LCP2: variants seen among roughly 807,000 people sequenced by gnomAD.
LCP2 encodes the protein 76 kDa tyrosine phosphoprotein.
Under a neutral mutation model 74.5 loss-of-function variants are expected in LCP2, and 29 were observed. The observed-to-expected ratio is 0.39, with a 90% CI of 0.29 to 0.53. The LOEUF is 0.53. Among genes scored for constraint, LCP2 ranks in the 20% least tolerant of loss-of-function variants. LCP2 has a pLI of 0.72. For synonymous variants in LCP2, 228 were observed against 229.5 expected, an observed-to-expected ratio of 0.99 and a Z score of 0.06; for missense variants, 604 against 634.6, an observed-to-expected ratio of 0.95 and a Z score of 0.52.
At chr5:170,289,655 TTCTTTCTTTCTTTCTTTC>T (rs1443678719) in intron 2 of LCP2, among the ~76,000 whole-genome samples, 29 of 113,904 alleles carry the variant, frequency 2.5e-4, no homozygotes, top group African/African-American at 9.7e-4. Flanking sequence ...CTTTCTTTCT[TTCTTTCTTTCTTTCTTTC>T]TCTCTCTCTC....
intron 7 of LCP2, 31 bp from the exon 8 acceptor site, chr5:170,268,513 G>A (rs1168310079): frequency 8.6e-6 from 2 of 233,102 alleles, no homozygotes; most frequent in African/African-American, 2.4e-5. Context: ...TAAAGTGAAA[G>A]GGGAGTATCG....
intron 3 of LCP2, among the ~76,000 whole-genome samples, chr5:170,277,262 ATACT>A (rs1300730030): frequency 6.6e-6 from 1 of 152,050 alleles, no homozygotes; most frequent in Non-Finnish European, 1.5e-5. Context: ...CTGGAGGCAG[ATACT>A]GTTGAGTCCC....
In LCP2 at chr5:170,248,422, A is replaced by C; in HGVS notation, c.*275T>G. ...TACTGTATTTTGAAATGGGCATTAAATAATCTTTTAAAAAATGAATTATTA... is the reference window on the plus strand; with the variant it reads ...TACTGTATTTTGAAATGGGCATTAACTAATCTTTTAAAAAATGAATTATTA... On this transcript the variant is annotated 3_prime_UTR_variant, in exon 21 of 21. Transcript: ENST00000046794. 3.5e-6 allele frequency: 1 copy of C among 289,218 alleles called. No individual in the cohort carries two copies. Among genetic ancestry groups the C allele is most frequent in the Non-Finnish European group, 6.5e-6 (1 of 153,418 alleles). The allele number at this position is 289,218 out of a possible 1,614,324, so 17.9% of individuals were successfully genotyped here.
At chr5:170,249,496 T>A (rs1333730179) in intron 20 of LCP2, among the ~76,000 whole-genome samples, 1 of 151,878 alleles carries the variant, frequency 6.6e-6, no homozygotes, top group East Asian at 1.9e-4. Context: ...TTGCTCTGTT[T>A]TTGGTTTTGG....
chr5:170,295,335 T>C (rs561603440), intron 1 of LCP2, among the ~76,000 whole-genome samples: 2 of 152,314 alleles, frequency 1.3e-5, no homozygotes, highest in East Asian at 1.9e-4. Flanking sequence ...AGCCAGTTAA[T>C]AGAGAAGGTA....
Position 170,275,419 on chromosome 5 carries a change from C to A in LCP2, c.255-68G>T, listed in dbSNP as rs1203469023. On this transcript the variant is annotated intron_variant, in intron 4 of 20. Coordinates refer to ENST00000046794, the MANE Select transcript of LCP2 (RefSeq NM_005565.5). ...AAGGGGATCTCCCTCTTTCCTCAACCTGGTCCAGCGAGAGGGAGTCCCCAG... is the reference window on the plus strand; with the variant it reads ...AAGGGGATCTCCCTCTTTCCTCAACATGGTCCAGCGAGAGGGAGTCCCCAG... 3 of 1,576,840 alleles carry A rather than the reference C, an allele frequency of 1.9e-6. No individual in the cohort carries two copies. The African/African-American group carries it at 4.0e-5, about 21-fold the overall frequency.
chr5:170,287,158 T>C (rs1231726021), intron 3 of LCP2, among the ~76,000 whole-genome samples: 1 of 152,232 alleles, frequency 6.6e-6, no homozygotes, highest in Non-Finnish European at 1.5e-5. Context: ...TCTCTATTGC[T>C]TCACCAACAA....
intron 8 of LCP2, chr5:170,267,410 A>C: frequency 2.5e-6 from 1 of 400,770 alleles, no homozygotes; most frequent in Non-Finnish European, 4.6e-6. Flanking sequence ...CTTTCCTGTG[A>C]TCCCTTCTCA....
intron 3 of LCP2, among the ~76,000 whole-genome samples, chr5:170,282,182 T>C (rs1762116331): frequency 6.6e-6 from 1 of 152,254 alleles, no homozygotes; most frequent in African/African-American, 2.4e-5. Flanking sequence ...TAAAAATCTA[T>C]TTAATACTTA....
intron 1 of LCP2, among the ~76,000 whole-genome samples, chr5:170,297,161 A>G (rs1762404538): frequency 6.6e-6 from 1 of 152,198 alleles, no homozygotes; most frequent in Admixed American, 6.5e-5. Flanking sequence ...TATCACATGT[A>G]GTCCCTAGGG....
chr5:170,250,660 C>T, intron 20 of LCP2, 70 bp downstream of exon 20: 10 of 1,200,742 alleles, frequency 8.3e-6, no homozygotes, highest in Admixed American at 1.7e-5. Flanking sequence ...TCTCAAAGAT[C>T]GCTCCATGAA....
Position 170,274,316 on chromosome 5 carries a change from C to G in LCP2, c.309G>C (p.Gly103=). The G allele has an allele frequency of 6.2e-7, 1 of 1,613,350 alleles. No individual in the cohort carries two copies. The highest frequency in any genetic ancestry group is 8.5e-7 in the Non-Finnish European group (1 of 1,179,672). Reference sequence around the variant, plus strand: ...CCATACTCACAAAGGACGACCAGCCCCCATTGTCCTCTTCGTGGCTTTCTG... The same window carrying G: ...CCATACTCACAAAGGACGACCAGCCGCCATTGTCCTCTTCGTGGCTTTCTG... ...EETESHEEDN[G]GWSSFEEDDY... is the part of the protein sequence containing the mutation. Residue 103 remains glycine, a synonymous_variant, in exon 6 of 21, where the codon GGG becomes GGC. Coordinates refer to ENST00000046794, the MANE Select transcript of LCP2 (RefSeq NM_005565.5).
At chr5:170,289,461 A>C (rs1762238687) in intron 2 of LCP2, among the ~76,000 whole-genome samples, 1 of 152,124 alleles carries the variant, frequency 6.6e-6, no homozygotes, top group African/African-American at 2.4e-5. Context: ...GATCCATCTG[A>C]TCCAGCTCAC....
At chr5:170,252,379 C>G in intron 19 of LCP2, 55 bp downstream of exon 19, 1 of 1,020,582 alleles carries the variant, frequency 9.8e-7, no homozygotes, top group Non-Finnish European at 1.5e-6. Context: ...CAGGTCAGTT[C>G]CCTTCTCTGC....
In LCP2 at chr5:170,287,978, G is replaced by C. The variant is rs776876494; in HGVS notation, c.180C>G (p.Leu60=). ...TENDIQKFPK[L]RVPILSKLSQ... is the part of the protein sequence containing the mutation. The stretch of plus-strand genomic sequence containing the variant: ...GTTGGAGGAGTACTTACGGCACCCG[G>C]AGCTTGGGGAACTTCTGGATGTCAT... The change falls in exon 3 of 21, where the codon CTC becomes CTG. Residue 60 remains leucine (L), a synonymous_variant. Coordinates refer to ENST00000046794, the MANE Select transcript of LCP2 (RefSeq NM_005565.5). The C allele has an allele frequency of 2.5e-6, 4 of 1,613,936 alleles. No homozygotes were observed. The highest frequency in any genetic ancestry group is 3.4e-6 in the Non-Finnish European group (4 of 1,179,862).
At chr5:170,261,752 G>GC (rs970468698) in intron 13 of LCP2, among the ~76,000 whole-genome samples, 1 of 152,182 alleles carries the variant, frequency 6.6e-6, no homozygotes, top group African/African-American at 2.4e-5. Flanking sequence ...GCTGCGACAG[G>GC]CATCTGCACT....
chr5:170,276,607 G>C (rs1228677223), intron 3 of LCP2, among the ~76,000 whole-genome samples: 1 of 152,090 alleles, frequency 6.6e-6, no homozygotes, highest in Non-Finnish European at 1.5e-5. Context: ...GGATGGAGCT[G>C]GGGGAGCTGG....
In LCP2 at chr5:170,247,447, T is replaced by G. The variant is rs1459323056; in HGVS notation, c.*1250A>C. On this transcript the variant is annotated 3_prime_UTR_variant, in exon 21 of 21. Transcript: ENST00000046794. Reference sequence around the variant, plus strand: ...TCATGAAAATGAAGCTGCAAGATACTCTTTTCCATTTCGAAAACTTGTAGA... The same window carrying G: ...TCATGAAAATGAAGCTGCAAGATACGCTTTTCCATTTCGAAAACTTGTAGA... The G allele has an allele frequency of 6.6e-6, 1 of 152,246 alleles. No individual in the cohort carries two copies. Among genetic ancestry groups the G allele is most frequent in the African/African-American group, 2.4e-5 (1 of 41,466 alleles). 9.4% of individuals were successfully genotyped at this position (152,246 alleles called of 1,614,324 possible). A position where few individuals can be genotyped will look rare whatever the true frequency, so the allele number is the denominator to read the frequency against.
chr5:170,282,510 G>T (rs1762122029), intron 3 of LCP2, among the ~76,000 whole-genome samples: 1 of 152,116 alleles, frequency 6.6e-6, no homozygotes, highest in South Asian at 2.1e-4. Context: ...CTGGTGGGAG[G>T]CAAAGTCAGC....
Sources: gnomAD v4.1 joint callset for allele counts (sites outside exome capture counted in the v4.1 genomes callset) on GRCh38, gnomAD v4.1.1 for gene constraint, MANE v1.5 for transcripts, NCBI Gene and HGNC (gene_info 2026-07-23, HGNC 2026-07-21) for gene names.